Variants in GLIS3 observed in about 807,000 individuals in gnomAD.
The protein encoded by GLIS3 is zinc finger protein GLIS3.
Under a neutral mutation model 78.6 loss-of-function variants are expected in GLIS3, and 53 were observed. The observed-to-expected ratio is 0.67, with a 90% CI of 0.54 to 0.85. The LOEUF is 0.85. Among genes scored for constraint, GLIS3 ranks in the 40% least tolerant of loss-of-function variants. The pLI is 0.00. For synonymous variants in GLIS3, 684 were observed against 509.9 expected, an observed-to-expected ratio of 1.34 and a Z score of -4.60; for missense variants, 1,703 against 1,231.1, an observed-to-expected ratio of 1.38 and a Z score of -5.74.
chr9:3,958,089 G>A (rs1042825113), intron 4 of GLIS3, among the ~76,000 whole-genome samples: 1 of 152,292 alleles, frequency 6.6e-6, no homozygotes, highest in Non-Finnish European at 1.5e-5. Flanking sequence ...CCACCAGAAT[G>A]TTTCAACATT....
At chr9:3,948,779 G>A (rs1293768598) in intron 4 of GLIS3, among the ~76,000 whole-genome samples, 1 of 152,138 alleles carries the variant, frequency 6.6e-6, no homozygotes, top group Non-Finnish European at 1.5e-5. Context: ...GTAAAAGAAT[G>A]AGCAAAATGA....
At chr9:3,828,486 A>C in intron 10 of GLIS3, 78 bp from the exon 11 acceptor site, 2 of 1,577,608 alleles carry the variant, frequency 1.3e-6, no homozygotes, top group Non-Finnish European at 1.7e-6. Context: ...ACAGTAATGC[A>C]GCTCACCAAG....
intron 4 of GLIS3, among the ~76,000 whole-genome samples, chr9:4,103,041 G>A (rs1290128565): frequency 6.6e-6 from 1 of 152,012 alleles, no homozygotes; most frequent in African/African-American, 2.4e-5. Context: ...AAATAAAAGA[G>A]GCATCCTGCT....
intron 4 of GLIS3, among the ~76,000 whole-genome samples, chr9:4,061,566 T>C (rs371016066): frequency 1.2e-4 from 18 of 152,102 alleles, no homozygotes; most frequent in African/African-American, 3.9e-4. Flanking sequence ...TAAATAGCCA[T>C]AAAATGGTTT....
intron 6 of GLIS3, among the ~76,000 whole-genome samples, chr9:3,928,352 C>A (rs1232182357): frequency 6.6e-6 from 1 of 152,186 alleles, no homozygotes; most frequent in South Asian, 2.1e-4. Context: ...TGATCATGCA[C>A]CCCACTTGTG....
chr9:4,467,517 C>G, the GLIS3 span, among the ~76,000 whole-genome samples: 2 of 152,210 alleles, frequency 1.3e-5, no homozygotes, highest in Non-Finnish European at 2.9e-5. Context: ...CCCAGGCAAA[C>G]AGCGTCTGCA....
At chr9:4,158,430 A>G (rs1835205766) in intron 2 of GLIS3, among the ~76,000 whole-genome samples, 1 of 152,186 alleles carries the variant, frequency 6.6e-6, no homozygotes, top group Non-Finnish European at 1.5e-5. Flanking sequence ...TGGGTCAGGC[A>G]GGAAGGGTCG....
intron 2 of GLIS3, among the ~76,000 whole-genome samples, chr9:4,276,822 G>C (rs73382394): frequency 0.03 from 4,508 of 152,148 alleles, 232 homozygotes; most frequent in African/African-American, 0.1. Context: ...AGCTCAGAGA[G>C]TAAACAAAAG....
rs1342819095 is a variant in GLIS3, at chr9:4,118,578, C to T, written c.900G>A (p.Lys300=). The T allele has an allele frequency of 1.2e-6, 2 of 1,614,236 alleles. No individual in the cohort carries two copies. Among genetic ancestry groups the T allele is most frequent in the Non-Finnish European group, 1.7e-6 (2 of 1,180,044 alleles). ...STRSHSARSK[K]RALSLSPLSD... ...ACAGCGGGGACAAGGACAGCGCTCT[C>T]TTCTTGGAGCGGGCCGAGTGGGACC... The change falls in exon 4 of 11, where the codon AAG becomes AAA. Residue 300 remains lysine, a synonymous_variant. Coordinates refer to ENST00000381971, the MANE Select transcript of GLIS3 (RefSeq NM_001042413.2). The surrounding 1 kb of genome is among the most constrained non-coding windows in gnomAD (Gnocchi z 4.7).
At chr9:3,865,502 T>C (rs1820517029) in intron 8 of GLIS3, among the ~76,000 whole-genome samples, 1 of 152,214 alleles carries the variant, frequency 6.6e-6, no homozygotes, top group Non-Finnish European at 1.5e-5. Flanking sequence ...TGACTATATA[T>C]GACTCGCTGT....
intron 2 of GLIS3, among the ~76,000 whole-genome samples, chr9:4,254,066 C>T (rs745851601): frequency 1.3e-5 from 2 of 152,116 alleles, no homozygotes; most frequent in Non-Finnish European, 2.9e-5. Flanking sequence ...CCAGCCACCT[C>T]GAGGAAGAGA....
chr9:4,096,084 T>C (rs561210480), intron 4 of GLIS3, among the ~76,000 whole-genome samples: 48 of 148,724 alleles, frequency 3.2e-4, no homozygotes, highest in Non-Finnish European at 5.9e-4. Flanking sequence ...AGAAGAGAGA[T>C]ATATTTTTAA....
chr9:4,419,971 G>A, the GLIS3 span, among the ~76,000 whole-genome samples: 2 of 152,224 alleles, frequency 1.3e-5, no homozygotes, highest in African/African-American at 2.4e-5. Flanking sequence ...GAATTAAACC[G>A]TATTACCCAG....
At chr9:4,285,891 T>C in intron 2 of GLIS3, 147 bp downstream of exon 2, 1 of 983,790 alleles carries the variant, frequency 1.0e-6, no homozygotes, top group South Asian at 1.4e-5. Context: ...ATTCCCTTAC[T>C]GAGCAAGCTA....
intron 2 of GLIS3, among the ~76,000 whole-genome samples, chr9:4,216,709 A>G (rs756746475): frequency 1.3e-5 from 2 of 152,104 alleles, no homozygotes; most frequent in Non-Finnish European, 2.9e-5. Flanking sequence ...TCAAAGTCCA[A>G]TGTGGCCTAG....
In GLIS3 at chr9:3,978,457, TTAA is replaced by T. The variant is rs750756437; in HGVS notation, c.1711-41271_1711-41269del. ...AAAGATTTCTGCTTAATATTTCTGC[TTAA>T]TAATATGGGTATTATTTTCCATATC... On this transcript the variant is annotated intron_variant, in intron 4 of 10. Transcript: ENST00000381971. Among the ~76,000 whole-genome samples the T allele has an allele frequency of 1.4e-4, 21 of 152,228 alleles. No individual in the cohort carries two copies. In the East Asian group the frequency reaches 1.7e-3, roughly 13 times the overall value.
chr9:3,905,990 G>C (rs1285844714), intron 6 of GLIS3, among the ~76,000 whole-genome samples: 1 of 152,186 alleles, frequency 6.6e-6, no homozygotes, highest in Non-Finnish European at 1.5e-5. Flanking sequence ...GCTGAAACCT[G>C]AATGAAGCGA....
chr9:3,932,368 T>C lies in GLIS3; in HGVS notation c.1975A>G (p.Arg659Gly). The change falls in exon 6 of 11, where the codon AGG (arginine) becomes GGG (glycine). Residue 659 changes from arginine (R) to glycine (G), a missense_variant. Transcript: ENST00000381971. ...KAHSSKEQQARKKLRSSTELH... is the reference protein window; with the variant it reads ...KAHSSKEQQAGKKLRSSTELH... ...TTCTCTTTTAAAATTACCTTTTTCC[T>C]TGCTTGTTGCTCTTTGGAAGAATGT... 3.1e-6 allele frequency: 5 copies of C among 1,612,110 alleles called. No homozygotes were observed. The highest frequency in any genetic ancestry group is 4.2e-6 in the Non-Finnish European group (5 of 1,178,302).
the GLIS3 span, among the ~76,000 whole-genome samples, chr9:4,415,749 AAAAC>A: frequency 4.3e-4 from 64 of 149,250 alleles, no homozygotes; most frequent in African/African-American, 1.6e-3. Context: ...AACAGAAACA[AAAAC>A]AAAAAATCAC....
Sources: gnomAD v4.1 joint callset for allele counts (sites outside exome capture counted in the v4.1 genomes callset) on GRCh38, gnomAD v4.1.1 for gene constraint, Gnocchi (gnomAD v3.1) non-coding constraint, MANE v1.5 for transcripts, NCBI Gene and HGNC (gene_info 2026-07-23, HGNC 2026-07-21) for gene names.